Variants in SLC24A2 observed in about 807,000 individuals in gnomAD.
SLC24A2 encodes sodium/potassium/calcium exchanger 2.
In SLC24A2, 36 loss-of-function variants were observed where a neutral mutation model predicts 62.0. The observed-to-expected ratio is 0.58, with a 90% CI of 0.44 to 0.77. The LOEUF (loss-of-function observed/expected upper bound fraction) is 0.77. Among genes scored for constraint, SLC24A2 ranks in the 30% least tolerant of loss-of-function variants. The pLI, the probability that SLC24A2 is intolerant of heterozygous loss-of-function variation, is 0.00. For synonymous variants in SLC24A2, 358 were observed against 294.0 expected (o/e 1.22, Z -2.23); for missense variants, 846 against 817.9 (o/e 1.03, Z -0.42).
chr9:19,637,812 T>C (rs1223625126), intron 2 of SLC24A2, among the ~76,000 whole-genome samples: 4 of 152,198 alleles, frequency 2.6e-5, no homozygotes, highest in East Asian at 3.8e-4. Flanking sequence ...TAAAATGCCA[T>C]TTCCCATCAC....
chr9:19,715,222 T>C (rs1820824874), intron 2 of SLC24A2, among the ~76,000 whole-genome samples: 1 of 152,210 alleles, frequency 6.6e-6, no homozygotes, highest in South Asian at 2.1e-4. Flanking sequence ...TTTGAGTGTT[T>C]TGTATAGTAT....
chr9:19,991,365 T>C, the SLC24A2 span, among the ~76,000 whole-genome samples: 1 of 152,250 alleles, frequency 6.6e-6, no homozygotes, highest in South Asian at 2.1e-4. Context: ...GTCTAGTCCT[T>C]CCATGTTCTT....
the SLC24A2 span, among the ~76,000 whole-genome samples, chr9:20,122,115 T>A: frequency 6.6e-6 from 1 of 152,162 alleles, no homozygotes; most frequent in Non-Finnish European, 1.5e-5. Flanking sequence ...CTGGGTTAAG[T>A]ACAAAATGAA....
chr9:20,083,016 C>G, the SLC24A2 span, among the ~76,000 whole-genome samples: 12 of 152,186 alleles, frequency 7.9e-5, no homozygotes, highest in African/African-American at 2.7e-4. Context: ...TTCCAGGGTG[C>G]TGATAAACCA....
intron 8 of SLC24A2, among the ~76,000 whole-genome samples, chr9:19,548,374 GAAATGACCAGGTATAAATTAACTTCT>G (rs1834684127): frequency 6.6e-6 from 1 of 152,080 alleles, no homozygotes; most frequent in African/African-American, 2.4e-5. Flanking sequence ...TACCTTCTAG[GAAATGACCAGGTATAAATTAACTTCT>G]TTGTGCCTAA....
At chr9:20,167,864 C>T in the SLC24A2 span, among the ~76,000 whole-genome samples, 1 of 151,680 alleles carries the variant, frequency 6.6e-6, no homozygotes. Flanking sequence ...GGATTACAGC[C>T]ATGAGCCACC....
the SLC24A2 span, among the ~76,000 whole-genome samples, chr9:19,905,512 A>C: frequency 6.6e-6 from 1 of 151,424 alleles, no homozygotes; most frequent in African/African-American, 2.4e-5. Flanking sequence ...AGGTTCAAGC[A>C]ATTCTCCTGC....
At chr9:19,552,466 C>G (rs930051999) in intron 7 of SLC24A2, among the ~76,000 whole-genome samples, 1 of 152,162 alleles carries the variant, frequency 6.6e-6, no homozygotes, top group Admixed American at 6.5e-5. Context: ...GGCATGGGAG[C>G]CTTGGGGTAC....
At chr9:20,007,896 T>C in the SLC24A2 span, among the ~76,000 whole-genome samples, 5 of 113,818 alleles carry the variant, frequency 4.4e-5, no homozygotes, top group African/African-American at 1.7e-4. Flanking sequence ...TTTTTTTTTT[T>C]TTTTTTTTTT....
At chr9:19,567,690 CAAA>C (rs113815958) in intron 7 of SLC24A2, among the ~76,000 whole-genome samples, 1 of 142,528 alleles carries the variant, frequency 7.0e-6, no homozygotes, top group African/African-American at 2.6e-5. Context: ...TTAAAATAAC[CAAA>C]AAAAAAAAAA....
chr9:20,058,492 T>TACACACACACACACAC, the SLC24A2 span, among the ~76,000 whole-genome samples: 2,049 of 147,830 alleles, frequency 0.014, 38 homozygotes, highest in African/African-American at 0.048. Context: ...ATGCCCTTCA[T>TACACACACACACACAC]ACACACACAC....
chr9:19,577,541 G>A (rs1348248314), intron 5 of SLC24A2, among the ~76,000 whole-genome samples: 1 of 152,180 alleles, frequency 6.6e-6, no homozygotes, highest in Non-Finnish European at 1.5e-5. Context: ...TACTCAACCT[G>A]TCTTATAATT....
the SLC24A2 span, among the ~76,000 whole-genome samples, chr9:19,914,686 T>C: frequency 6.6e-6 from 1 of 152,082 alleles, no homozygotes; most frequent in Non-Finnish European, 1.5e-5. Context: ...AATAATCCCT[T>C]ATGACCTTGC....
At chr9:19,829,840 C>T in the SLC24A2 span, among the ~76,000 whole-genome samples, 37 of 122,136 alleles carry the variant, frequency 3.0e-4, no homozygotes, top group African/African-American at 4.2e-4. Context: ...CACACACACA[C>T]ATATATAGAA....
the SLC24A2 span, among the ~76,000 whole-genome samples, chr9:20,246,390 A>G: frequency 6.6e-6 from 1 of 152,148 alleles, no homozygotes; most frequent in African/African-American, 2.4e-5. Context: ...TTCATCCCTT[A>G]AGCACCTGTT....
chr9:20,100,499 A>T, the SLC24A2 span, among the ~76,000 whole-genome samples: 1 of 152,194 alleles, frequency 6.6e-6, no homozygotes, highest in Non-Finnish European at 1.5e-5. Flanking sequence ...CACATTTCTC[A>T]TCATAAGTGC....
At chr9:19,800,256 T>C in the SLC24A2 span, among the ~76,000 whole-genome samples, 2 of 152,194 alleles carry the variant, frequency 1.3e-5, no homozygotes, top group Non-Finnish European at 2.9e-5. Context: ...CAAAATAATA[T>C]GTTGTGCCCA....
chr9:20,120,663 G>A, the SLC24A2 span, among the ~76,000 whole-genome samples: 1 of 152,062 alleles, frequency 6.6e-6, no homozygotes, highest in Non-Finnish European at 1.5e-5. Context: ...ATTTACCCAT[G>A]TAACAAATCT....
chr9:19,881,169 C>G, the SLC24A2 span, among the ~76,000 whole-genome samples: 2 of 152,140 alleles, frequency 1.3e-5, no homozygotes, highest in African/African-American at 2.4e-5. Flanking sequence ...CCATTATACT[C>G]AGTGAGATCA....
Sources: allele counts gnomAD v4.1 joint callset (sites outside exome capture counted in the v4.1 genomes callset), GRCh38; gene constraint gnomAD v4.1.1; transcripts MANE v1.5; gene names NCBI Gene and HGNC (gene_info 2026-07-23, HGNC 2026-07-21).